RNGTT: variants seen among roughly 807,000 people sequenced by gnomAD.
RNGTT encodes RNA guanylyltransferase and 5'-phosphatase.
In RNGTT, 33 loss-of-function variants were observed where a neutral mutation model predicts 79.3. That is an observed-to-expected ratio of 0.42 (90% CI 0.32 to 0.56). The LOEUF (loss-of-function observed/expected upper bound fraction) is 0.56. Ranked by LOEUF, RNGTT falls within the 20% of genes least tolerant of loss-of-function variation. The pLI is 0.17. For missense variants in RNGTT, 497 were observed against 739.1 expected, an observed-to-expected ratio of 0.67 and a Z score of 3.80; for synonymous variants, 222 against 235.9, an observed-to-expected ratio of 0.94 and a Z score of 0.54.
At chr6:88,718,478 T>C (rs773680458) in intron 13 of RNGTT, among the ~76,000 whole-genome samples, 3 of 151,502 alleles carry the variant, frequency 2.0e-5, no homozygotes, top group East Asian at 3.9e-4. Flanking sequence ...AGGAAAGATA[T>C]GTTAATAGAT....
chr6:88,641,020 G>T (rs1335022272), intron 14 of RNGTT, among the ~76,000 whole-genome samples: 1 of 152,056 alleles, frequency 6.6e-6, no homozygotes, highest in East Asian at 1.9e-4. Flanking sequence ...TGGATAAAAA[G>T]CTCCCAGTTC....
At chr6:88,741,195 T>C (rs905171783) in intron 13 of RNGTT, among the ~76,000 whole-genome samples, 2 of 152,070 alleles carry the variant, frequency 1.3e-5, no homozygotes, top group African/African-American at 4.8e-5. Context: ...GGAATCGACA[T>C]AGGTGCCCAT....
intron 13 of RNGTT, among the ~76,000 whole-genome samples, chr6:88,715,772 G>C (rs937197177): frequency 1.4e-4 from 22 of 152,152 alleles, no homozygotes; most frequent in Admixed American, 1.2e-3. Flanking sequence ...TATGTAAAAA[G>C]CTGAAACTGG....
chr6:88,799,930 T>C (rs1779729752), intron 12 of RNGTT, among the ~76,000 whole-genome samples: 1 of 152,148 alleles, frequency 6.6e-6, no homozygotes, highest in South Asian at 2.1e-4. Flanking sequence ...CTGGAATATA[T>C]TAGAACTAAA....
intron 15 of RNGTT, 135 bp from the exon 16 acceptor site, chr6:88,613,017 T>C (rs1274369302): frequency 1.2e-5 from 9 of 751,324 alleles, no homozygotes. Context: ...GTGCTTCACA[T>C]TGAACTATCT....
intron 13 of RNGTT, among the ~76,000 whole-genome samples, chr6:88,748,971 T>C (rs1777755450): frequency 6.6e-6 from 1 of 151,974 alleles, no homozygotes; most frequent in African/African-American, 2.4e-5. Context: ...AAAAGAAAGG[T>C]TACCTTTCTT....
intron 8 of RNGTT, among the ~76,000 whole-genome samples, chr6:88,863,014 C>CAGATGTG (rs1383428735): frequency 6.6e-6 from 1 of 152,154 alleles, no homozygotes; most frequent in Middle Eastern, 3.2e-3. Flanking sequence ...AGTCATGAAA[C>CAGATGTG]AGATGTGACT....
intron 13 of RNGTT, among the ~76,000 whole-genome samples, chr6:88,729,243 C>G (rs1777025910): frequency 6.6e-6 from 1 of 152,080 alleles, no homozygotes; most frequent in South Asian, 2.1e-4. Context: ...AAAAGCTTAC[C>G]AATCAGTCCT....
At chr6:88,656,579 G>C (rs1773986160) in intron 14 of RNGTT, among the ~76,000 whole-genome samples, 1 of 152,072 alleles carries the variant, frequency 6.6e-6, no homozygotes, top group East Asian at 1.9e-4. Context: ...CACTCCAGTG[G>C]GGTTCATGAA....
At chr6:88,756,878 G>A (rs1562236436) in intron 13 of RNGTT, among the ~76,000 whole-genome samples, 1 of 152,170 alleles carries the variant, frequency 6.6e-6, no homozygotes, top group Admixed American at 6.5e-5. Flanking sequence ...GGAAAACGCT[G>A]GATGGACAGG....
At chr6:88,697,119 C>T (rs753642220) in intron 13 of RNGTT, among the ~76,000 whole-genome samples, 3 of 152,146 alleles carry the variant, frequency 2.0e-5, no homozygotes, top group Non-Finnish European at 4.4e-5. Flanking sequence ...GAACTCTCTA[C>T]AAAATGCTGA....
intron 8 of RNGTT, among the ~76,000 whole-genome samples, chr6:88,884,201 T>C (rs942524887): frequency 1.8e-4 from 28 of 152,200 alleles, no homozygotes; most frequent in Non-Finnish European, 7.3e-5. Context: ...AGCTCACAGT[T>C]ATTCATCACA....
intron 13 of RNGTT, among the ~76,000 whole-genome samples, chr6:88,705,139 T>C (rs1023930925): frequency 3.3e-5 from 5 of 152,146 alleles, no homozygotes; most frequent in Non-Finnish European, 7.4e-5. Flanking sequence ...CTGATAAAAA[T>C]TTCATATTTT....
intron 1 of RNGTT, among the ~76,000 whole-genome samples, chr6:88,946,019 C>A (rs1281890637): frequency 6.6e-6 from 1 of 152,174 alleles, no homozygotes; most frequent in South Asian, 2.1e-4. Flanking sequence ...GAGTTTTGGG[C>A]AGTTGTTTAT....
At chr6:88,932,465 AC>A (rs531459232) in intron 2 of RNGTT, among the ~76,000 whole-genome samples, 216 of 150,598 alleles carry the variant, frequency 1.4e-3, no homozygotes, top group Middle Eastern at 6.8e-3. Context: ...CTATTCGTAC[AC>A]TCCCTCCCCT....
intron 14 of RNGTT, among the ~76,000 whole-genome samples, chr6:88,676,973 T>C (rs1393025469): frequency 6.6e-6 from 1 of 152,132 alleles, no homozygotes; most frequent in African/African-American, 2.4e-5. Context: ...TTATTTGTAA[T>C]AGCCCCAAGC....
rs5878082 is a variant in RNGTT, at chr6:88,919,707, C to CTTTT, written c.367+9274_367+9277dup. On this transcript the variant is annotated intron_variant, in intron 4 of 15. Coordinates refer to ENST00000369485, the MANE Select transcript of RNGTT (RefSeq NM_003800.5). ...GATCAGTCTAATTAGGTCAGTAGTT[C>CTTTT]TTTTTTTTTTTTTTTTTTTTTTTTT... is the stretch of plus-strand genomic sequence containing the variant. Among the ~76,000 whole-genome samples the CTTTT allele has an allele frequency of 3.1e-4, 18 of 58,486 alleles. 2 individuals are homozygous for CTTTT. The highest frequency in any genetic ancestry group is 6.5e-4 in the South Asian group (1 of 1,546). The allele number at this position is 58,486 out of a possible 152,430, so 38.4% of individuals were successfully genotyped here. A position where few individuals can be genotyped will look rare whatever the true frequency, so the allele number is the denominator to read the frequency against.
chr6:88,659,274 A>G (rs534682542), intron 14 of RNGTT, among the ~76,000 whole-genome samples: 2 of 152,224 alleles, frequency 1.3e-5, no homozygotes, highest in Non-Finnish European at 2.9e-5. Flanking sequence ...CTAGCTCCCC[A>G]GCAATGGATC....
chr6:88,887,667 A>T (rs1782911463), intron 8 of RNGTT, among the ~76,000 whole-genome samples: 1 of 152,224 alleles, frequency 6.6e-6, no homozygotes. Context: ...CTAGGGGTCT[A>T]ACAATACCAA....
Sources: gnomAD v4.1 joint callset for allele counts (sites outside exome capture counted in the v4.1 genomes callset) on GRCh38, gnomAD v4.1.1 for gene constraint, MANE v1.5 for transcripts, NCBI Gene and HGNC (gene_info 2026-07-23, HGNC 2026-07-21) for gene names.